COX7B2: variants seen among roughly 807,000 people sequenced by gnomAD.
COX7B2 encodes the protein cytochrome c oxidase subunit 7B2, also known as cytochrome c oxidase subunit 7B2, mitochondrial.
For missense variants in COX7B2, 109 were observed against 95.9 expected (o/e 1.14, Z -0.57); for synonymous variants, 37 against 32.1 (o/e 1.15, Z -0.51).
At chr4:46,827,185 A>C (rs919038319) in intron 2 of COX7B2, among the ~76,000 whole-genome samples, 3 of 152,108 alleles carry the variant, frequency 2.0e-5, no homozygotes, top group Non-Finnish European at 4.4e-5. Flanking sequence ...AAATATTTGC[A>C]GAAATAAAAG....
chr4:46,829,112 G>A (rs554731487), intron 2 of COX7B2, among the ~76,000 whole-genome samples: 1 of 152,022 alleles, frequency 6.6e-6, no homozygotes, highest in East Asian at 1.9e-4. Context: ...GCATTCCTTG[G>A]GAAACATCAA....
intron 1 of COX7B2, among the ~76,000 whole-genome samples, chr4:46,875,377 T>C (rs996105852): frequency 1.3e-5 from 2 of 152,232 alleles, no homozygotes; most frequent in Non-Finnish European, 1.5e-5. Flanking sequence ...TTTTTCTTCA[T>C]ACTGTATTCT....
chr4:46,749,596 T>A (rs28457233), intron 2 of COX7B2, among the ~76,000 whole-genome samples: 2 of 151,812 alleles, frequency 1.3e-5, no homozygotes, highest in Non-Finnish European at 2.9e-5. Flanking sequence ...ATTGTTAGTT[T>A]GCATCTGAAG....
At chr4:46,808,991 C>T (rs188418160) in intron 2 of COX7B2, among the ~76,000 whole-genome samples, 157 of 151,872 alleles carry the variant, frequency 1.0e-3, no homozygotes, top group African/African-American at 3.6e-3. Context: ...GTAGTTTTCT[C>T]TTCTTGTCAT....
At chr4:46,828,609 A>G (rs1218401409) in intron 2 of COX7B2, among the ~76,000 whole-genome samples, 4 of 152,200 alleles carry the variant, frequency 2.6e-5, no homozygotes, top group South Asian at 2.1e-4. Context: ...AATATTCACA[A>G]GATGGAATTC....
At chr4:46,862,813 CT>C (rs1316362953) in intron 1 of COX7B2, among the ~76,000 whole-genome samples, 2 of 152,072 alleles carry the variant, frequency 1.3e-5, no homozygotes, top group African/African-American at 4.8e-5. Context: ...TATAAGTAAT[CT>C]TGCTAAACTA....
intron 2 of COX7B2, among the ~76,000 whole-genome samples, chr4:46,753,203 G>A (rs1237713967): frequency 6.6e-6 from 1 of 152,070 alleles, no homozygotes; most frequent in Non-Finnish European, 1.5e-5. Context: ...GTTTATTTGT[G>A]TAGAGGTGTT....
At chr4:46,755,122 G>A (rs1176106709) in intron 2 of COX7B2, among the ~76,000 whole-genome samples, 1 of 151,892 alleles carries the variant, frequency 6.6e-6, no homozygotes, top group South Asian at 2.1e-4. Flanking sequence ...GGGAGTAAAG[G>A]ATGGTTCAAT....
chr4:46,904,607 C>A (rs1720265422), intron 1 of COX7B2, among the ~76,000 whole-genome samples: 1 of 152,078 alleles, frequency 6.6e-6, no homozygotes, highest in African/African-American at 2.4e-5. Flanking sequence ...AATAGTACAA[C>A]ATATACAGGG....
At chr4:46,819,103 A>C (rs1299058724) in intron 2 of COX7B2, among the ~76,000 whole-genome samples, 1 of 152,184 alleles carries the variant, frequency 6.6e-6, no homozygotes, top group Non-Finnish European at 1.5e-5. Flanking sequence ...CTTTTTAAAA[A>C]ACCATGTAGC....
intron 2 of COX7B2, among the ~76,000 whole-genome samples, chr4:46,805,748 TG>T (rs1718965738): frequency 6.6e-6 from 1 of 152,190 alleles, no homozygotes; most frequent in Non-Finnish European, 1.5e-5. Context: ...CGTAGATCAA[TG>T]TAATTTTTGA....
intron 2 of COX7B2, among the ~76,000 whole-genome samples, chr4:46,745,332 T>C (rs1714957751): frequency 6.6e-6 from 1 of 152,190 alleles, no homozygotes; most frequent in Non-Finnish European, 1.5e-5. Flanking sequence ...ATCACCTAGA[T>C]AACTTATGGT....
intron 1 of COX7B2, among the ~76,000 whole-genome samples, chr4:46,846,861 G>A (rs1188561566): frequency 6.6e-6 from 1 of 151,990 alleles, no homozygotes; most frequent in African/African-American, 2.4e-5. Context: ...ATGATACAAA[G>A]GTTTTTATCT....
intron 2 of COX7B2, among the ~76,000 whole-genome samples, chr4:46,833,848 G>C (rs1171987290): frequency 6.6e-6 from 1 of 152,150 alleles, no homozygotes; most frequent in East Asian, 1.9e-4. Context: ...GATATGGTGG[G>C]TTGACAGAAA....
chr4:46,775,572 A>G (rs1210659792), intron 2 of COX7B2, among the ~76,000 whole-genome samples: 1 of 152,048 alleles, frequency 6.6e-6, no homozygotes, highest in South Asian at 2.1e-4. Context: ...ATCCCCCTCC[A>G]TTATGTATGG....
chr4:46,864,244 T>C (rs1034834493), intron 1 of COX7B2, among the ~76,000 whole-genome samples: 1 of 152,166 alleles, frequency 6.6e-6, no homozygotes, highest in Non-Finnish European at 1.5e-5. Flanking sequence ...GATCACCAGC[T>C]GAGTACACCT....
At chr4:46,784,333 G>A (rs879379989) in intron 2 of COX7B2, among the ~76,000 whole-genome samples, 1 of 152,034 alleles carries the variant, frequency 6.6e-6, no homozygotes, top group African/African-American at 2.4e-5. Context: ...AGATTAAAAA[G>A]ACTTAGAAAA....
chr4:46,791,446 T>G (rs1577709257), intron 2 of COX7B2, among the ~76,000 whole-genome samples: 1 of 152,210 alleles, frequency 6.6e-6, no homozygotes, highest in African/African-American at 2.4e-5. Context: ...CGCCTTGGTA[T>G]TTTTCCTTGT....
At chr4:46,804,051 T>A (rs1318028357) in intron 2 of COX7B2, among the ~76,000 whole-genome samples, 3 of 152,080 alleles carry the variant, frequency 2.0e-5, no homozygotes, top group Non-Finnish European at 2.9e-5. Flanking sequence ...TGGAGTTTCT[T>A]TTTTCTGGTG....
Sources: gnomAD v4.1 joint callset for allele counts (sites outside exome capture counted in the v4.1 genomes callset) on GRCh38, gnomAD v4.1.1 for gene constraint, MANE v1.5 for transcripts, NCBI Gene and HGNC (gene_info 2026-07-23, HGNC 2026-07-21) for gene names.